Variants in CSPP1 observed in about 807,000 individuals in gnomAD.
CSPP1 encodes centrosome and spindle pole-associated protein 1.
A neutral mutation model predicts 164.4 loss-of-function variants in CSPP1; 126 were observed. The observed-to-expected ratio is 0.77, with a 90% CI of 0.66 to 0.89. The LOEUF (loss-of-function observed/expected upper bound fraction) is 0.89. CSPP1 is among the 40% of genes least tolerant of loss of function. The pLI is 0.00. For missense variants in CSPP1, 1,395 were observed against 1,449.8 expected, an observed-to-expected ratio of 0.96 and a Z score of 0.61; for synonymous variants, 472 against 476.7, an observed-to-expected ratio of 0.99 and a Z score of 0.13.
At chr8:67,113,072 C>T (rs997851592) in intron 10 of CSPP1, among the ~76,000 whole-genome samples, 4 of 152,098 alleles carry the variant, frequency 2.6e-5, no homozygotes, top group Non-Finnish European at 5.9e-5. Flanking sequence ...GGTGAAACCC[C>T]GTCTCTACTA....
chr8:67,147,232 T>G (rs1052589808), intron 17 of CSPP1, among the ~76,000 whole-genome samples: 2 of 152,216 alleles, frequency 1.3e-5, no homozygotes, highest in Non-Finnish European at 2.9e-5. Context: ...AAGATTGCAT[T>G]CCCTAAGCAC....
At chr8:67,192,308 C>T (rs1173629562) in intron 29 of CSPP1, among the ~76,000 whole-genome samples, 1 of 152,118 alleles carries the variant, frequency 6.6e-6, no homozygotes. Context: ...CTCCTAACCT[C>T]GGGTGATCCA....
chr8:67,067,694 A>C (rs1053214718), intron 1 of CSPP1, among the ~76,000 whole-genome samples: 1 of 151,100 alleles, frequency 6.6e-6, no homozygotes, highest in South Asian at 2.1e-4. Context: ...TGATCTCCTG[A>C]CCTCGTGATC....
intron 6 of CSPP1, among the ~76,000 whole-genome samples, chr8:67,094,524 G>T (rs975585391): frequency 1.5e-4 from 22 of 151,658 alleles, no homozygotes; most frequent in African/African-American, 5.1e-4. Flanking sequence ...CGCCTGCCTC[G>T]GCCTCCCAAA....
chr8:67,140,767 T>C (rs1823334346), intron 17 of CSPP1, among the ~76,000 whole-genome samples: 1 of 152,192 alleles, frequency 6.6e-6, no homozygotes, highest in South Asian at 2.1e-4. Context: ...TGCTGCTGTT[T>C]GGGTGGTTCT....
chr8:67,178,306 CACCCACCTGTATCCT>C (rs1300201024), intron 27 of CSPP1, among the ~76,000 whole-genome samples: 1 of 152,056 alleles, frequency 6.6e-6, no homozygotes, highest in East Asian at 1.9e-4. Context: ...AGAATGATAA[CACCCACCTGTATCCT>C]GAGGGGGGTA....
chr8:67,174,330 A>G (rs905194889), intron 25 of CSPP1: 2 of 152,142 alleles, frequency 1.3e-5, no homozygotes, highest in South Asian at 2.1e-4. Context: ...AGCTTTATAC[A>G]TATTTAGGAC....
intron 28 of CSPP1, among the ~76,000 whole-genome samples, chr8:67,189,741 G>C (rs183014213): frequency 3.0e-3 from 458 of 152,290 alleles, no homozygotes; most frequent in Middle Eastern, 0.017. Flanking sequence ...GTGTAGCAAA[G>C]AGGCTTGGCA....
At chr8:67,180,939 A>T (rs553429557) in intron 28 of CSPP1, among the ~76,000 whole-genome samples, 7 of 151,982 alleles carry the variant, frequency 4.6e-5, no homozygotes, top group Non-Finnish European at 5.9e-5. Context: ...TCAGGGAATG[A>T]TCTAGTCTAC....
chr8:67,153,641 T>C (rs1004038560), intron 18 of CSPP1, among the ~76,000 whole-genome samples: 5 of 152,102 alleles, frequency 3.3e-5, no homozygotes, highest in Admixed American at 1.3e-4. Flanking sequence ...CATTTTAATA[T>C]GTTATTAAGC....
chr8:67,085,906 T>C, intron 3 of CSPP1, 101 bp from the exon 4 acceptor site: 1 of 658,946 alleles, frequency 1.5e-6, no homozygotes, highest in African/African-American at 1.8e-5. Flanking sequence ...ACTCTTGGAA[T>C]AAGCATAATT....
chr8:67,159,082 A>C lies in CSPP1; in HGVS notation c.2483A>C (p.Asn828Thr). 1.2e-6 allele frequency: 2 copies of C among 1,612,980 alleles called. No individual in the cohort carries two copies. Among genetic ancestry groups the C allele is most frequent in the African/African-American group, 1.3e-5 (1 of 74,898 alleles). The change falls in exon 21 of 31, where the codon AAC becomes ACC. Residue 828 changes from asparagine (N) to threonine (T), a missense_variant. Transcript: ENST00000678616. Reference protein sequence around the residue: ...RKKKEEEEKYNLQLQHYCERD... With the variant: ...RKKKEEEEKYTLQLQHYCERD... ...AAGAAAGAAGAAGAAGAAAAATATA[A>C]CCTGCAACTTCAGCACTACTGTGAA...
At chr8:67,081,816 C>T (rs1809250334) in intron 3 of CSPP1, among the ~76,000 whole-genome samples, 1 of 152,132 alleles carries the variant, frequency 6.6e-6, no homozygotes, top group Non-Finnish European at 1.5e-5. Context: ...ACCATAATAG[C>T]TTACTGCAGC....
rs1836968813 is a variant in CSPP1, at chr8:67,193,403, C to T, written c.3331-61C>T. On this transcript the variant is annotated intron_variant, in intron 29 of 30. Coordinates refer to ENST00000678616, the MANE Select transcript of CSPP1 (RefSeq NM_001382391.1). The stretch of plus-strand genomic sequence containing the variant: ...ATAGGCACCATGCCTGGCCCTGATT[C>T]ACTGATTTGTGAACATATTTTGTGT... 1.6e-5 allele frequency: 24 copies of T among 1,490,436 alleles called. No homozygotes were observed. The South Asian group carries it at 2.8e-4, about 18-fold the overall frequency. 92.3% of individuals were successfully genotyped at this position (1,490,436 alleles called of 1,614,324 possible).
Position 67,095,646 on chromosome 8 carries a change from T to A in CSPP1, c.837T>A (p.Asp279Glu), listed in dbSNP as rs1167078005. Reference protein sequence around the residue: ...FDRRYHRPDQDPEVSEEMDER... With the variant: ...FDRRYHRPDQEPEVSEEMDER... Reference sequence around the variant, plus strand: ...GACGGTATCATAGACCAGACCAAGATCCTGAAGTAAGTGAAGAAATGGATG... The same window carrying A: ...GACGGTATCATAGACCAGACCAAGAACCTGAAGTAAGTGAAGAAATGGATG... The change falls in exon 7 of 31, where the codon GAT (aspartate) becomes GAA (glutamate). Residue 279 changes from aspartate (D) to glutamate (E), a missense_variant. Physicochemically the swap from Asp to Glu is conservative, Grantham distance 45. Transcript: ENST00000678616. The A allele has an allele frequency of 6.2e-7, 1 of 1,613,298 alleles. No homozygotes were observed. Among genetic ancestry groups the A allele is most frequent in the South Asian group, 1.1e-5 (1 of 90,914 alleles).
chr8:67,120,910 A>G (rs1037268849), intron 15 of CSPP1, among the ~76,000 whole-genome samples: 3 of 151,358 alleles, frequency 2.0e-5, no homozygotes, highest in Non-Finnish European at 4.4e-5. Context: ...CTGGAGTACA[A>G]TGTTGTGAAC....
chr8:67,177,485 G>A (rs1831978963), intron 26 of CSPP1, among the ~76,000 whole-genome samples, 195 bp from the exon 27 acceptor site: 1 of 152,164 alleles, frequency 6.6e-6, no homozygotes. Flanking sequence ...TCATGTGAAT[G>A]GGAGAATTTT....
Position 67,195,734 on chromosome 8 carries a change from A to G in CSPP1, c.*141A>G, listed in dbSNP as rs1484206051. 2 of 629,334 alleles carry G rather than the reference A, an allele frequency of 3.2e-6. No homozygotes were observed. The highest frequency in any genetic ancestry group is 3.0e-5 in the Admixed American group (1 of 33,894). The allele number at this position is 629,334 out of a possible 1,614,324, so 39.0% of individuals were successfully genotyped here. On this transcript the variant is annotated 3_prime_UTR_variant, in exon 31 of 31. Coordinates refer to ENST00000678616, the MANE Select transcript of CSPP1 (RefSeq NM_001382391.1). Reference sequence around the variant, plus strand: ...TGTATATAAAATTATTTTTATCATGATGTATATTATGTACATAAATAAAAG... The same window carrying G: ...TGTATATAAAATTATTTTTATCATGGTGTATATTATGTACATAAATAAAAG...
chr8:67,195,913 C>T lies in CSPP1; in HGVS notation c.*320C>T, dbSNP rs1837849002. 3 of 221,124 alleles carry T rather than the reference C, an allele frequency of 1.4e-5. No individual in the cohort carries two copies. Among genetic ancestry groups the T allele is most frequent in the African/African-American group, 2.3e-5 (1 of 43,334 alleles). 13.7% of individuals were successfully genotyped at this position (221,124 alleles called of 1,614,324 possible). ...AGATAAGGTGAATAAGTGTCTTAAA[C>T]GTCCTGTAAAACCGGACTCCCCTTT... is the stretch of plus-strand genomic sequence containing the variant. On this transcript the variant is annotated 3_prime_UTR_variant, in exon 31 of 31. Transcript: ENST00000678616.
Sources: gnomAD v4.1 joint callset for allele counts (sites outside exome capture counted in the v4.1 genomes callset) on GRCh38, gnomAD v4.1.1 for gene constraint, MANE v1.5 for transcripts, NCBI Gene and HGNC (gene_info 2026-07-23, HGNC 2026-07-21) for gene names.